SSBP2: variants seen among roughly 807,000 people sequenced by gnomAD.
SSBP2 encodes single-stranded DNA-binding protein 2.
In SSBP2, 17 loss-of-function variants were observed where a neutral mutation model predicts 61.8. The ratio of observed to expected loss-of-function variants is 0.28; its 90% confidence interval spans 0.19 to 0.41. The LOEUF (loss-of-function observed/expected upper bound fraction) is 0.41, where lower values mean the gene tolerates loss of function less well. Among genes scored for constraint, SSBP2 ranks in the 10% least tolerant of loss-of-function variants. The pLI is 1.00. For missense variants in SSBP2, 310 were observed against 458.7 expected (o/e 0.68, Z 2.96); for synonymous variants, 139 against 141.3 (o/e 0.98, Z 0.12).
chr5:81,749,532 C>T (rs1413098699), intron 1 of SSBP2, among the ~76,000 whole-genome samples: 5 of 152,168 alleles, frequency 3.3e-5, no homozygotes, highest in Admixed American at 2.6e-4. Flanking sequence ...AACCAAAGTA[C>T]CTTTGAGAGA....
intron 1 of SSBP2, among the ~76,000 whole-genome samples, chr5:81,693,418 A>C (rs1753366579): frequency 6.6e-6 from 1 of 152,200 alleles, no homozygotes; most frequent in Non-Finnish European, 1.5e-5. Flanking sequence ...AAATGTTTGC[A>C]AACTATCCAC....
At chr5:81,633,700 C>A (rs994101759) in intron 3 of SSBP2, among the ~76,000 whole-genome samples, 4 of 152,156 alleles carry the variant, frequency 2.6e-5, no homozygotes, top group Admixed American at 2.0e-4. Context: ...ACATCAGACC[C>A]ATGTAACCAG....
At chr5:81,721,703 C>A (rs1414871391) in intron 1 of SSBP2, among the ~76,000 whole-genome samples, 3 of 152,084 alleles carry the variant, frequency 2.0e-5, no homozygotes, top group Admixed American at 6.6e-5. Flanking sequence ...AAAACCTGAA[C>A]TAAATTCTCT....
At chr5:81,453,251 CTG>C (rs1763895558) in intron 10 of SSBP2, among the ~76,000 whole-genome samples, 1 of 151,892 alleles carries the variant, frequency 6.6e-6, no homozygotes, top group Admixed American at 6.6e-5. Context: ...TGAGCTGAGA[CTG>C]CACCACTTGC....
intron 4 of SSBP2, among the ~76,000 whole-genome samples, chr5:81,556,409 A>C (rs1772604911): frequency 6.6e-6 from 1 of 152,124 alleles, no homozygotes; most frequent in African/African-American, 2.4e-5. Flanking sequence ...CCCTATTGCC[A>C]AGAAAAGTTG....
At chr5:81,643,810 C>T (rs1184497081) in intron 2 of SSBP2, among the ~76,000 whole-genome samples, 1 of 151,878 alleles carries the variant, frequency 6.6e-6, no homozygotes, top group Non-Finnish European at 1.5e-5. Flanking sequence ...ACCATGTTGG[C>T]CAGGCTGGTC....
chr5:81,750,900 G>T, intron 1 of SSBP2, 81 bp downstream of exon 1: 2 of 1,465,108 alleles, frequency 1.4e-6, no homozygotes, highest in Non-Finnish European at 1.9e-6. Context: ...GAGAGTGTCT[G>T]TGTCTCCCAG....
chr5:81,672,059 T>C (rs1224191025), intron 1 of SSBP2, among the ~76,000 whole-genome samples: 3 of 152,158 alleles, frequency 2.0e-5, no homozygotes, highest in Non-Finnish European at 4.4e-5. Context: ...ACTATCAATA[T>C]GCAAAAGAAA....
intron 16 of SSBP2, among the ~76,000 whole-genome samples, chr5:81,422,661 C>T (rs1228697593): frequency 6.6e-6 from 1 of 151,442 alleles, no homozygotes; most frequent in East Asian, 1.9e-4. Flanking sequence ...TTAGACAGGT[C>T]ATAGGAGAAA....
At chr5:81,741,229 C>A (rs1223798582) in intron 1 of SSBP2, among the ~76,000 whole-genome samples, 1 of 152,168 alleles carries the variant, frequency 6.6e-6, no homozygotes, top group African/African-American at 2.4e-5. Flanking sequence ...TAGCCAGCCA[C>A]AGAAAGACAA....
At chr5:81,695,851 A>C (rs1224433540) in intron 1 of SSBP2, among the ~76,000 whole-genome samples, 1 of 152,108 alleles carries the variant, frequency 6.6e-6, no homozygotes, top group Non-Finnish European at 1.5e-5. Context: ...TTGATTTTAA[A>C]TTCTGCTTAA....
intron 4 of SSBP2, among the ~76,000 whole-genome samples, chr5:81,596,160 C>A (rs1240934851): frequency 6.6e-6 from 1 of 152,082 alleles, no homozygotes; most frequent in African/African-American, 2.4e-5. Flanking sequence ...CAAAATCAAT[C>A]TACAAAAATC....
At chr5:81,661,303 C>T (rs532305885) in intron 1 of SSBP2, among the ~76,000 whole-genome samples, 7 of 152,182 alleles carry the variant, frequency 4.6e-5, no homozygotes, top group East Asian at 1.9e-4. Flanking sequence ...GTGATTAAAG[C>T]GGCAATGACT....
intron 4 of SSBP2, among the ~76,000 whole-genome samples, chr5:81,559,368 C>T (rs1227131995): frequency 1.5e-5 from 2 of 133,334 alleles, no homozygotes; most frequent in Admixed American, 8.4e-5. Flanking sequence ...GCCTGGTTGA[C>T]AGAGCGAGAT....
chr5:81,544,368 A>G (rs1343481477), intron 4 of SSBP2, among the ~76,000 whole-genome samples: 1 of 152,138 alleles, frequency 6.6e-6, no homozygotes, highest in Non-Finnish European at 1.5e-5. Context: ...CTTATTGTCA[A>G]GTGAAGCCTC....
At chr5:81,592,383 C>T (rs1457968961) in intron 4 of SSBP2, among the ~76,000 whole-genome samples, 1 of 152,238 alleles carries the variant, frequency 6.6e-6, no homozygotes, top group Non-Finnish European at 1.5e-5. Context: ...TCAAGGAGGC[C>T]TGCCTGCCTC....
chr5:81,605,626 T>G (rs1035072085), intron 4 of SSBP2, among the ~76,000 whole-genome samples: 1 of 152,150 alleles, frequency 6.6e-6, no homozygotes, highest in African/African-American at 2.4e-5. Context: ...CTACTAGGAT[T>G]TTTTAACTTC....
chr5:81,429,883 T>G (rs1762181031), intron 15 of SSBP2, among the ~76,000 whole-genome samples: 1 of 152,134 alleles, frequency 6.6e-6, no homozygotes, highest in South Asian at 2.1e-4. Context: ...GCAGGGAGGA[T>G]CTGAGAACAA....
intron 4 of SSBP2, among the ~76,000 whole-genome samples, chr5:81,582,246 T>C (rs1475926190): frequency 1.3e-5 from 2 of 152,154 alleles, no homozygotes; most frequent in Admixed American, 6.5e-5. Context: ...ATAAATAAAG[T>C]ATTTAACAAG....
Sources: gnomAD v4.1 joint callset for allele counts (sites outside exome capture counted in the v4.1 genomes callset) on GRCh38, gnomAD v4.1.1 for gene constraint, MANE v1.5 for transcripts, NCBI Gene and HGNC (gene_info 2026-07-23, HGNC 2026-07-21) for gene names.